MCCC1: variants seen among roughly 807,000 people sequenced by gnomAD.
The protein encoded by MCCC1 is methylcrotonoyl-CoA carboxylase subunit alpha, mitochondrial.
MCCC1 carries 64 observed loss-of-function variants against 83.8 expected under a neutral mutation model. The observed-to-expected ratio is 0.76, with a 90% CI of 0.62 to 0.94. MCCC1 has a LOEUF of 0.94. Ranked by LOEUF, MCCC1 falls within the 40% of genes least tolerant of loss-of-function variation. The pLI is 0.00. For synonymous variants in MCCC1, 322 were observed against 315.4 expected (o/e 1.02, Z -0.22); for missense variants, 807 against 904.7 (o/e 0.89, Z 1.39).
chr3:183,054,248 C>T (rs1159535932), intron 8 of MCCC1, among the ~76,000 whole-genome samples: 7 of 148,700 alleles, frequency 4.7e-5, no homozygotes, highest in East Asian at 2.0e-4. Flanking sequence ...TGCAGTGGCG[C>T]GATCTCGGCT....
In MCCC1 at chr3:183,037,451, C is replaced by T. The variant is rs770328896; in HGVS notation, c.1378-17G>A. On this transcript the variant is annotated splice_polypyrimidine_tract_variant and intron_variant, in intron 12 of 18. Transcript: ENST00000265594. ...TCCAACAATCTAGGAAGAGAATAAA[C>T]CCCCAGTTCCTGCTGAGTGGGGAAA... The T allele has an allele frequency of 1.3e-6, 2 of 1,590,900 alleles. No individual in the cohort carries two copies. The highest frequency in any genetic ancestry group is 3.3e-5 in the Admixed American group (2 of 59,890).
intron 4 of MCCC1, among the ~76,000 whole-genome samples, chr3:183,082,863 C>G (rs1292946844): frequency 6.6e-6 from 1 of 152,058 alleles, no homozygotes; most frequent in East Asian, 1.9e-4. Flanking sequence ...CGTGTGCCTA[C>G]AGTCCCATCA....
intron 1 of MCCC1, among the ~76,000 whole-genome samples, chr3:183,110,551 G>A (rs545942859): frequency 2.1e-4 from 32 of 152,018 alleles, no homozygotes; most frequent in Admixed American, 1.2e-3. Context: ...CCGCCACTAC[G>A]CCTGGCTAAT....
intron 17 of MCCC1, among the ~76,000 whole-genome samples, chr3:183,019,241 T>C (rs1711940789): frequency 6.6e-6 from 1 of 152,188 alleles, no homozygotes; most frequent in Non-Finnish European, 1.5e-5. Context: ...TTCAAGTATA[T>C]AAAAGGAGAC....
intron 7 of MCCC1, among the ~76,000 whole-genome samples, chr3:183,066,155 GTATAAT>G (rs1234753387): frequency 6.6e-6 from 1 of 152,128 alleles, no homozygotes. Context: ...TACATTATCA[GTATAAT>G]TATAACTGTT....
At chr3:183,028,045 A>AT (rs1712753774) in intron 14 of MCCC1, among the ~76,000 whole-genome samples, 1 of 152,238 alleles carries the variant, frequency 6.6e-6, no homozygotes, top group Non-Finnish European at 1.5e-5. Context: ...GGAGAAGTCA[A>AT]TACCTGGTTT....
chr3:183,052,191 C>T lies in MCCC1; in HGVS notation c.923G>A (p.Arg308Lys), dbSNP rs200310875. 15 of 1,614,018 alleles carry T rather than the reference C, an allele frequency of 9.3e-6. No individual in the cohort carries two copies. Residue 308 changes from arginine to lysine, a missense_variant, in exon 9 of 19, where the codon AGA (arginine) becomes AAA (lysine). Transcript: ENST00000265594. ...VRKKLGEAAVRAAKAVNYVGA... is the reference protein window; with the variant it reads ...VRKKLGEAAVKAAKAVNYVGA... Reference sequence around the variant, plus strand: ...AACATAATTTACAGCTTTAGCAGCTCTGACTGCAGCTTCTCCCAGCTTTTT... The same window carrying T: ...AACATAATTTACAGCTTTAGCAGCTTTGACTGCAGCTTCTCCCAGCTTTTT...
upstream of MCCC1, among the ~76,000 whole-genome samples, chr3:183,101,982 A>T (rs139496785): frequency 2.6e-5 from 4 of 152,104 alleles, no homozygotes; most frequent in Non-Finnish European, 4.4e-5. Flanking sequence ...AACTCCGAAC[A>T]CATCTGAACA....
chr3:183,080,738 T>C (rs1354065173), intron 4 of MCCC1, among the ~76,000 whole-genome samples: 1 of 152,196 alleles, frequency 6.6e-6, no homozygotes, highest in Non-Finnish European at 1.5e-5. Flanking sequence ...TACCTGACAC[T>C]GGGCAATTTA....
At chr3:183,088,795 G>A (rs1268806728) in intron 3 of MCCC1, among the ~76,000 whole-genome samples, 6 of 152,066 alleles carry the variant, frequency 3.9e-5, no homozygotes, top group Admixed American at 1.3e-4. Context: ...TATGTCTTGG[G>A]AACTCTTTTT....
intron 1 of MCCC1, among the ~76,000 whole-genome samples, chr3:183,095,043 G>T (rs1718637554): frequency 6.6e-6 from 1 of 152,096 alleles, no homozygotes; most frequent in African/African-American, 2.4e-5. Context: ...CAGCACTTTG[G>T]GAAGCCGAGG....
chr3:183,017,452 C>CAA (rs1194442981), intron 17 of MCCC1, 115 bp from the exon 18 acceptor site: 2 of 912,676 alleles, frequency 2.2e-6, no homozygotes, highest in African/African-American at 3.3e-5. Context: ...CATCATGTTG[C>CAA]AAACCATGAA....
intron 1 of MCCC1, among the ~76,000 whole-genome samples, chr3:183,113,999 A>G (rs373328880): frequency 5.9e-5 from 9 of 152,230 alleles, no homozygotes; most frequent in African/African-American, 2.2e-4. Context: ...TCCCTTAGCT[A>G]AGAGAACAAG....
intron 14 of MCCC1, among the ~76,000 whole-genome samples, chr3:183,027,920 G>A (rs1712741546): frequency 6.6e-6 from 1 of 152,202 alleles, no homozygotes; most frequent in Non-Finnish European, 1.5e-5. Context: ...AATTATCCAG[G>A]AGATCTAGCT....
At chr3:183,048,798 C>T (rs1265367027) in intron 9 of MCCC1, among the ~76,000 whole-genome samples, 1 of 152,142 alleles carries the variant, frequency 6.6e-6, no homozygotes, top group African/African-American at 2.4e-5. Flanking sequence ...CAGCAGAACA[C>T]ATTCTCAAGC....
intron 2 of MCCC1, among the ~76,000 whole-genome samples, chr3:183,094,116 T>G (rs937777216): frequency 2.0e-5 from 3 of 151,490 alleles, no homozygotes; most frequent in African/African-American, 7.3e-5. Context: ...TGGCGAGATC[T>G]TGGCTCATTG....
chr3:183,104,406 C>T (rs915361324), upstream of MCCC1, among the ~76,000 whole-genome samples: 2 of 152,196 alleles, frequency 1.3e-5, no homozygotes, highest in Admixed American at 6.5e-5. Context: ...GCATGAGCCA[C>T]TGTGCCCAGC....
chr3:183,037,208 C>T lies in MCCC1; in HGVS notation c.1594+10G>A. 6.2e-7 allele frequency: 1 copy of T among 1,612,592 alleles called. No individual in the cohort carries two copies. The highest frequency in any genetic ancestry group is 8.5e-7 in the Non-Finnish European group (1 of 1,179,834). ...TTGACAAGCAGAGGAAAGAGAAAAG[C>T]CTTCCATACCATGTGCCTGAAGAGT... On this transcript the variant is annotated intron_variant, in intron 13 of 18. Coordinates refer to ENST00000265594, the MANE Select transcript of MCCC1 (RefSeq NM_020166.5).
chr3:183,098,636 C>T (rs1297311502), intron 1 of MCCC1: 1 of 152,382 alleles, frequency 6.6e-6, no homozygotes, highest in Non-Finnish European at 1.5e-5. Flanking sequence ...AAGCTATCTA[C>T]AAGCCTGAGG....
Sources: allele counts gnomAD v4.1 joint callset (sites outside exome capture counted in the v4.1 genomes callset), GRCh38; gene constraint gnomAD v4.1.1; transcripts MANE v1.5; gene names NCBI Gene and HGNC (gene_info 2026-07-23, HGNC 2026-07-21).